FAM53B: variants seen among roughly 807,000 people sequenced by gnomAD.
FAM53B encodes the protein protein FAM53B.
In FAM53B, 12 loss-of-function variants were observed where a neutral mutation model predicts 32.7. That is an observed-to-expected ratio of 0.37 (90% CI 0.24 to 0.59). The LOEUF (loss-of-function observed/expected upper bound fraction) is 0.59, where lower values mean the gene tolerates loss of function less well. FAM53B is among the 20% of genes least tolerant of loss of function. The pLI, the probability that FAM53B is intolerant of heterozygous loss-of-function variation, is 0.72. For synonymous variants in FAM53B, 234 were observed against 228.7 expected (o/e 1.02, Z -0.21); for missense variants, 477 against 577.7 (o/e 0.83, Z 1.79).
chr10:124,708,441 C>T (rs996115566), intron 1 of FAM53B, among the ~76,000 whole-genome samples: 3 of 152,304 alleles, frequency 2.0e-5, no homozygotes, highest in African/African-American at 7.2e-5. Flanking sequence ...AAGGGAGCCC[C>T]GGGGAGCCTG....
chr10:124,742,176 G>A (rs1950204058), intron 1 of FAM53B, among the ~76,000 whole-genome samples: 1 of 152,166 alleles, frequency 6.6e-6, no homozygotes, highest in Non-Finnish European at 1.5e-5. Context: ...AGACTCCCAG[G>A]TCGCATGATG....
intron 1 of FAM53B, among the ~76,000 whole-genome samples, chr10:124,739,995 C>T (rs543489873): frequency 2.0e-5 from 3 of 152,034 alleles, no homozygotes; most frequent in East Asian, 1.9e-4. Context: ...AACCCAAGGA[C>T]GTCTCTATTT....
chr10:124,741,582 C>A (rs76028196), intron 1 of FAM53B, among the ~76,000 whole-genome samples: 2,130 of 152,332 alleles, frequency 0.014, 17 homozygotes, highest in Non-Finnish European at 0.023. Flanking sequence ...CGCCTGCTCA[C>A]TGGACCCGCT....
intron 1 of FAM53B, among the ~76,000 whole-genome samples, chr10:124,717,135 T>C (rs1950042755): frequency 6.6e-6 from 1 of 152,160 alleles, no homozygotes; most frequent in South Asian, 2.1e-4. Context: ...GCTCTGGGCT[T>C]GACAGTGCCA....
rs1460681935 is a variant in FAM53B at position 124,671,999 on chromosome 10, G to A, written c.906+9608C>T. Reference sequence around the variant, plus strand: ...GATTTCTTGACTGTGGCTTGAAGTTGCAAGAAAGAGTGGTAATTCCGGATG... The same window carrying A: ...GATTTCTTGACTGTGGCTTGAAGTTACAAGAAAGAGTGGTAATTCCGGATG... On this transcript the variant is annotated intron_variant, in intron 4 of 4. Coordinates refer to ENST00000337318, the MANE Select transcript of FAM53B (RefSeq NM_014661.4). Among the ~76,000 whole-genome samples, 5 of 152,364 alleles carry A rather than the reference G, an allele frequency of 3.3e-5. No homozygotes were observed. In the East Asian group the frequency reaches 7.7e-4, roughly 23 times the overall value.
chr10:124,663,342 T>C (rs1949646199), intron 4 of FAM53B, among the ~76,000 whole-genome samples: 1 of 152,180 alleles, frequency 6.6e-6, no homozygotes, highest in South Asian at 2.1e-4. Flanking sequence ...CCCTCGTTCC[T>C]AGGAAAAGAG....
intron 4 of FAM53B, among the ~76,000 whole-genome samples, chr10:124,646,601 T>C (rs1251680167): frequency 6.6e-6 from 1 of 152,194 alleles, no homozygotes; most frequent in East Asian, 1.9e-4. Flanking sequence ...GCTTTACGGC[T>C]CCCTCAGTAT....
chr10:124,620,371 C>T lies in FAM53B; in HGVS notation c.*2871G>A, dbSNP rs1197415344. 2 of 150,324 alleles carry T rather than the reference C, an allele frequency of 1.3e-5. No individual in the cohort carries two copies. The highest frequency in any genetic ancestry group is 1.5e-5 in the Non-Finnish European group (1 of 67,524). 9.3% of individuals were successfully genotyped at this position (150,324 alleles called of 1,614,324 possible). ...TGGCACTAAGCCCCCCCCACCGCCC[C>T]GGCTTTCCTGCAGGCTTAGCCCGCG... On this transcript the variant is annotated 3_prime_UTR_variant, in exon 5 of 5. Transcript: ENST00000337318.
At chr10:124,639,409 G>A (rs1055044297) in intron 4 of FAM53B, among the ~76,000 whole-genome samples, 3 of 152,242 alleles carry the variant, frequency 2.0e-5, no homozygotes, top group African/African-American at 7.2e-5. Context: ...AACAGACACA[G>A]AAATAGAAAA....
At chr10:124,639,288 G>T (rs1297150535) in intron 4 of FAM53B, among the ~76,000 whole-genome samples, 30 of 152,170 alleles carry the variant, frequency 2.0e-4, no homozygotes, top group Admixed American at 2.0e-3. Context: ...AGGCACTCAG[G>T]AAATGTTTCC....
chr10:124,660,588 G>C lies in FAM53B; in HGVS notation c.906+21019C>G, dbSNP rs545170348. On this transcript the variant is annotated intron_variant, in intron 4 of 4. Coordinates refer to ENST00000337318, the MANE Select transcript of FAM53B (RefSeq NM_014661.4). ...CCCACTCGAGGCCAACGGTGAGCAC[G>C]GCAGAGCCTGAGACAGCCGAGCCAG... Among the ~76,000 whole-genome samples, 137 of 152,318 alleles carry C rather than the reference G, an allele frequency of 9.0e-4. 1 individual carries two copies. Among genetic ancestry groups the C allele is most frequent in the African/African-American group, 3.0e-3 (125 of 41,568 alleles).
Position 124,658,188 on chromosome 10 carries a change from C to T in FAM53B, c.906+23419G>A, listed in dbSNP as rs140114718. On this transcript the variant is annotated intron_variant, in intron 4 of 4. Coordinates refer to ENST00000337318, the MANE Select transcript of FAM53B (RefSeq NM_014661.4). ...AGAACCCAGGGGAGGGGCTTTGCTA[C>T]GCAAGAAACTAAGGAAAACACTGGT... Among the ~76,000 whole-genome samples, 655 of 152,286 alleles carry T rather than the reference C, an allele frequency of 4.3e-3. 3 individuals are homozygous for T. Among genetic ancestry groups the T allele is most frequent in the Admixed American group, 5.8e-3 (89 of 15,304 alleles).
intron 4 of FAM53B, among the ~76,000 whole-genome samples, chr10:124,674,670 A>G (rs1439848221): frequency 1.3e-5 from 2 of 152,366 alleles, no homozygotes; most frequent in East Asian, 3.9e-4. Context: ...TGAACCAGTC[A>G]AAGGGGCAAG....
At chr10:124,637,110 C>CAA (rs964740679) in intron 4 of FAM53B, among the ~76,000 whole-genome samples, 1 of 152,130 alleles carries the variant, frequency 6.6e-6, no homozygotes, top group African/African-American at 2.4e-5. Context: ...CCCTTTCTGA[C>CAA]AAAATGCTCC....
chr10:124,709,333 G>A (rs1305223771), intron 1 of FAM53B, among the ~76,000 whole-genome samples: 1 of 152,232 alleles, frequency 6.6e-6, no homozygotes, highest in Admixed American at 6.5e-5. Flanking sequence ...AAGCCAGAAC[G>A]AGGCAAAGAC....
At chr10:124,706,361 G>A (rs951120831) in intron 2 of FAM53B, among the ~76,000 whole-genome samples, 3 of 152,170 alleles carry the variant, frequency 2.0e-5, no homozygotes, top group South Asian at 2.1e-4. Context: ...CTTGGCAGGC[G>A]GCAGAATCAC....
intron 2 of FAM53B, among the ~76,000 whole-genome samples, chr10:124,698,634 C>T (rs1485755258): frequency 1.3e-5 from 2 of 152,124 alleles, no homozygotes; most frequent in African/African-American, 4.8e-5. Context: ...AGCAGGTCCC[C>T]AGAGTGGCCT....
intron 4 of FAM53B, among the ~76,000 whole-genome samples, chr10:124,630,965 A>G (rs941243724): frequency 6.6e-6 from 1 of 152,210 alleles, no homozygotes; most frequent in Non-Finnish European, 1.5e-5. Context: ...TTCTGTGGAC[A>G]AGGTATCTTG....
chr10:124,738,205 C>T (rs565123704), intron 1 of FAM53B, among the ~76,000 whole-genome samples: 43 of 152,126 alleles, frequency 2.8e-4, no homozygotes, highest in African/African-American at 9.4e-4. Flanking sequence ...GGAACCGACC[C>T]GTAGGTATGC....
Sources: gnomAD v4.1 joint callset for allele counts (sites outside exome capture counted in the v4.1 genomes callset) on GRCh38, gnomAD v4.1.1 for gene constraint, MANE v1.5 for transcripts, NCBI Gene and HGNC (gene_info 2026-07-23, HGNC 2026-07-21) for gene names.